Variants in FAM186A observed in about 807,000 individuals in gnomAD.
The protein encoded by FAM186A is protein FAM186A.
A neutral mutation model predicts 216.8 loss-of-function variants in FAM186A; 163 were observed. The observed-to-expected ratio is 0.75, with a 90% CI of 0.66 to 0.86. The LOEUF (loss-of-function observed/expected upper bound fraction) is 0.86, where lower values mean the gene tolerates loss of function less well. Ranked by LOEUF, FAM186A falls within the 40% of genes least tolerant of loss-of-function variation. FAM186A has a pLI of 0.00. For missense variants in FAM186A, 2,184 were observed against 2,746.2 expected (o/e 0.80, Z 4.58); for synonymous variants, 805 against 1,025.3 (o/e 0.79, Z 4.10).
rs1942660153 is a variant in FAM186A at position 50,331,834 on chromosome 12, AT to A, written c.6697-14del. The A allele has an allele frequency of 6.6e-7, 1 of 1,512,240 alleles. No homozygotes were observed. The highest frequency in any genetic ancestry group is 1.3e-5 in the South Asian group (1 of 77,240). The allele number at this position is 1,512,240 out of a possible 1,614,324, so 93.7% of individuals were successfully genotyped here. ...GTATCTTTTTGAGCTATAAAAAAAA[AT>A]AGATCAGAAAAAGGAAACCATGAAA... On this transcript the variant is annotated splice_polypyrimidine_tract_variant and intron_variant, in intron 5 of 7. Coordinates refer to ENST00000327337, the MANE Select transcript of FAM186A (RefSeq NM_001145475.3).
rs1489249669 is a variant in FAM186A, at chr12:50,353,934, C to T, written c.2898G>A (p.Lys966=). The part of the protein sequence containing the change: ...LGPHRRREKG[K]EKQKPERGLE... ...GCCCTCTCTCTGGCTTCTGCTTTTCCTTCCCTTTCTCCCTTCTCCTGTGTG... is the reference window on the plus strand; with the variant it reads ...GCCCTCTCTCTGGCTTCTGCTTTTCTTTCCCTTTCTCCCTTCTCCTGTGTG... The change falls in exon 4 of 8, where the codon AAG becomes AAA. Residue 966 remains lysine (K), a synonymous_variant. Coordinates refer to ENST00000327337, the MANE Select transcript of FAM186A (RefSeq NM_001145475.3). 5.8e-6 allele frequency: 9 copies of T among 1,553,110 alleles called. No homozygotes were observed. The highest frequency in any genetic ancestry group is 3.9e-5 in the Admixed American group (2 of 51,094).
rs542319693 is a variant in FAM186A, at chr12:50,354,292, C to G, written c.2540G>C (p.Arg847Thr). ...CTCATAGTGCTCCTTCAAGAGATTT[C>G]TTTCTCCCAGCAACTGCTGTTTGAG... is the stretch of plus-strand genomic sequence containing the variant. ...MSLKQQLLGE[R>T]NLLKEHYEKI... The change falls in exon 4 of 8, where the codon AGA becomes ACA. Residue 847 changes from arginine to threonine, a missense_variant. Coordinates refer to ENST00000327337, the MANE Select transcript of FAM186A (RefSeq NM_001145475.3). 6.4e-7 allele frequency: 1 copy of G among 1,551,656 alleles called. No individual in the cohort carries two copies. Among genetic ancestry groups the G allele is most frequent in the Admixed American group, 2.0e-5 (1 of 50,998 alleles).
intron 4 of FAM186A, among the ~76,000 whole-genome samples, chr12:50,334,725 G>A (rs1335852517): frequency 6.6e-6 from 1 of 151,964 alleles, no homozygotes. Flanking sequence ...CGATCCTCCT[G>A]CCACAGCCTC....
rs1396480971 is a variant in FAM186A, at chr12:50,334,046, G to A, written c.6561C>T (p.Ala2187=). The change falls in exon 5 of 8, where the codon GCC becomes GCT. Residue 2187 remains alanine, a synonymous_variant. Coordinates refer to ENST00000327337, the MANE Select transcript of FAM186A (RefSeq NM_001145475.3). ...AIQNTGKGYE[A]RNLHMMLSRL... is the part of the protein sequence containing the mutation. ...TGCTCAGCATCATGTGGAGGTTCCTGGCCTCATAGCCTTTCCCAGTATTTT... is the reference window on the plus strand; with the variant it reads ...TGCTCAGCATCATGTGGAGGTTCCTAGCCTCATAGCCTTTCCCAGTATTTT... The A allele has an allele frequency of 4.5e-6, 7 of 1,551,486 alleles. No homozygotes were observed. The South Asian group carries it at 7.1e-5, about 16-fold the overall frequency.
chr12:50,393,016 T>C (rs1943375549), intron 1 of FAM186A, among the ~76,000 whole-genome samples: 1 of 150,608 alleles, frequency 6.6e-6, no homozygotes, highest in Admixed American at 6.7e-5. Context: ...AAGCTCTGCC[T>C]CCCGGGTTCA....
intron 7 of FAM186A, 33 bp from the exon 8 acceptor site, chr12:50,327,437 T>C: frequency 6.6e-7 from 1 of 1,523,018 alleles, no homozygotes; most frequent in African/African-American, 1.4e-5. Context: ...AACCTCATTA[T>C]AAATTGCTTT....
intron 1 of FAM186A, among the ~76,000 whole-genome samples, chr12:50,376,923 A>T (rs1427497267): frequency 6.6e-6 from 1 of 151,148 alleles, no homozygotes; most frequent in African/African-American, 2.4e-5. Flanking sequence ...TTTTATTTTT[A>T]TTTTTTTTAG....
At chr12:50,389,471 G>C (rs189769017) in intron 1 of FAM186A, among the ~76,000 whole-genome samples, 1 of 152,312 alleles carries the variant, frequency 6.6e-6, no homozygotes, top group East Asian at 1.9e-4. Flanking sequence ...TTGCACGCCA[G>C]CTTGGGCAAC....
At chr12:50,345,750 G>T (rs990604251) in intron 4 of FAM186A, among the ~76,000 whole-genome samples, 6 of 152,064 alleles carry the variant, frequency 3.9e-5, no homozygotes, top group Non-Finnish European at 1.5e-5. Context: ...GGTTACTGTA[G>T]CCTTATAGTA....
rs772752998 is a variant in FAM186A, at chr12:50,333,995, C to A, written c.6612G>T (p.Val2204=). 46 of 1,551,612 alleles carry A rather than the reference C, an allele frequency of 3.0e-5. No individual in the cohort carries two copies. The highest frequency in any genetic ancestry group is 4.0e-5 in the Non-Finnish European group (46 of 1,147,008). The change falls in exon 5 of 8, where the codon GTG becomes GTT. Residue 2204 remains valine (V), a synonymous_variant. Coordinates refer to ENST00000327337, the MANE Select transcript of FAM186A (RefSeq NM_001145475.3). ...TCTGCTTCTCAGTCCAGACCTGCAT[C>A]ACCTTTTTCCCGTAGTCATCAAGTC... ...LSRLDDYGKK[V]MQVWTEKQKS...
intron 4 of FAM186A, among the ~76,000 whole-genome samples, chr12:50,346,237 A>AAAGAAAAGAAAG (rs1383898895): frequency 9.8e-6 from 1 of 102,184 alleles, no homozygotes; most frequent in African/African-American, 3.4e-5. Flanking sequence ...AAGAAAGAAA[A>AAAGAAAAGAAAG]AAAGAAAGAA....
Position 50,354,961 on chromosome 12 carries a change from G to GT in FAM186A, c.1870dup (p.Thr624AsnfsTer2), listed in dbSNP as rs1190620354. 1.9e-6 allele frequency: 3 copies of GT among 1,549,822 alleles called. No homozygotes were observed. The highest frequency in any genetic ancestry group is 4.9e-5 in the East Asian group (2 of 40,916). On this transcript the variant is annotated frameshift_variant, in exon 4 of 8. Transcript: ENST00000327337. LOFTEE classifies it high-confidence loss of function. ...TTTGGTCAACTCTTCCTTCTCTTCAGTTTTTTCTTCTTTGCTTGTGATAGT... is the reference window on the plus strand; with the variant it reads ...TTTGGTCAACTCTTCCTTCTCTTCAGTTTTTTTCTTCTTTGCTTGTGATAGT...
rs35493660 is a variant in FAM186A at position 50,369,496 on chromosome 12, C to CAA, written c.193-6134_193-6133dup. 4.6e-3 allele frequency among the ~76,000 whole-genome samples: 519 copies of CAA among 113,904 alleles called. 7 individuals are homozygous for CAA. The highest frequency in any genetic ancestry group is 0.014 in the Middle Eastern group (3 of 208). The allele number at this position is 113,904 out of a possible 152,430, so 74.7% of individuals were successfully genotyped here. A position where few individuals can be genotyped will look rare whatever the true frequency, so the allele number is the denominator to read the frequency against. The stretch of plus-strand genomic sequence containing the variant: ...TGGGCGACAGAGTGAGACTCCGTCT[C>CAA]AAAAAAAAAAAAAAAAAAGATAAAT... On this transcript the variant is annotated intron_variant, in intron 1 of 7. Coordinates refer to ENST00000327337, the MANE Select transcript of FAM186A (RefSeq NM_001145475.3).
chr12:50,387,110 T>C (rs1943311814), intron 1 of FAM186A, among the ~76,000 whole-genome samples: 1 of 152,074 alleles, frequency 6.6e-6, no homozygotes, highest in African/African-American at 2.4e-5. Flanking sequence ...TTATTTCAAT[T>C]CAGACACCAT....
At chr12:50,379,297 G>A (rs185834523) in intron 1 of FAM186A, among the ~76,000 whole-genome samples, 116 of 151,952 alleles carry the variant, frequency 7.6e-4, no homozygotes, top group Middle Eastern at 3.4e-3. Context: ...AAAATTAGCC[G>A]AATGTGGTGG....
chr12:50,339,208 G>C (rs1192691015), intron 4 of FAM186A, among the ~76,000 whole-genome samples: 1 of 152,038 alleles, frequency 6.6e-6, no homozygotes, highest in African/African-American at 2.4e-5. Context: ...GTAGAGACAG[G>C]GTCTCACTAT....
chr12:50,337,961 T>C (rs899575288), intron 4 of FAM186A, among the ~76,000 whole-genome samples: 3 of 151,692 alleles, frequency 2.0e-5, no homozygotes, highest in African/African-American at 7.3e-5. Flanking sequence ...ACCATGGGGG[T>C]ATCTTATTAT....
In FAM186A at chr12:50,351,562, G is replaced by T; in HGVS notation, c.5270C>A (p.Ser1757Tyr). 6.5e-7 allele frequency: 1 copy of T among 1,549,222 alleles called. No homozygotes were observed. The highest frequency in any genetic ancestry group is 8.7e-7 in the Non-Finnish European group (1 of 1,145,792). Residue 1757 changes from serine (S) to tyrosine (Y), a missense_variant, in exon 4 of 8, where the codon TCT becomes TAT. Coordinates refer to ENST00000327337, the MANE Select transcript of FAM186A (RefSeq NM_001145475.3). ...AEKSSIFGVS[S>Y]TPLQISRVPL... ...AACCCTTGATATCTGCAAAGGAGTA[G>T]AAGAGACCCCGAATATAGAGGACTT... is the stretch of plus-strand genomic sequence containing the variant.
intron 1 of FAM186A, among the ~76,000 whole-genome samples, chr12:50,384,972 A>C (rs1455695215): frequency 1.3e-5 from 2 of 151,866 alleles, no homozygotes; most frequent in African/African-American, 4.8e-5. Context: ...TGCCCAGCTA[A>C]TTTTTGTATT....
Sources: gnomAD v4.1 joint callset for allele counts (sites outside exome capture counted in the v4.1 genomes callset) on GRCh38, gnomAD v4.1.1 for gene constraint, MANE v1.5 for transcripts, NCBI Gene and HGNC (gene_info 2026-07-23, HGNC 2026-07-21) for gene names.